The following INSC variants were observed in gnomAD, a reference collection of about 807,000 sequenced individuals.
The protein encoded by INSC is protein inscuteable homolog.
In INSC, 67 loss-of-function variants were observed where a neutral mutation model predicts 58.6. The ratio of observed to expected loss-of-function variants is 1.14; its 90% CI spans 0.94 to 1.40. The LOEUF is 1.40. Among genes scored for constraint, INSC ranks in the 40% most tolerant of loss-of-function variants. The probability of loss-of-function intolerance (pLI) is 0.00; values close to 1 mark genes in which losing one functional copy is unlikely to be tolerated. For missense variants in INSC, 714 were observed against 692.0 expected, an observed-to-expected ratio of 1.03 and a Z score of -0.36; for synonymous variants, 262 against 276.1, an observed-to-expected ratio of 0.95 and a Z score of 0.51.
downstream of INSC, among the ~76,000 whole-genome samples, chr11:15,249,379 A>G (rs548936553): frequency 6.6e-6 from 1 of 152,304 alleles, no homozygotes; most frequent in South Asian, 2.1e-4. Context: ...GAAGGAGAAG[A>G]TAGGGGGGTT....
chr11:15,188,405 G>C (rs1850050509), intron 5 of INSC: 1 of 970,218 alleles, frequency 1.0e-6, no homozygotes, highest in Non-Finnish European at 1.2e-6. Flanking sequence ...ATTCAGAGGG[G>C]TCAGGGCCCG....
intron 2 of INSC, among the ~76,000 whole-genome samples, chr11:15,152,317 A>G (rs986346185): frequency 6.6e-6 from 1 of 152,184 alleles, no homozygotes. Context: ...CCATTGGCCA[A>G]AATGTCCAGG....
intron 2 of INSC, among the ~76,000 whole-genome samples, chr11:15,152,005 C>G (rs1848668645): frequency 6.6e-6 from 1 of 152,188 alleles, no homozygotes; most frequent in Admixed American, 6.5e-5. Flanking sequence ...CTTATGGTTT[C>G]AAGTACTTGT....
chr11:15,135,323 T>C (rs1306257706), intron 1 of INSC, among the ~76,000 whole-genome samples: 1 of 152,238 alleles, frequency 6.6e-6, no homozygotes, highest in Non-Finnish European at 1.5e-5. Flanking sequence ...GGGTTGTTTT[T>C]CATGTTTGAT....
intron 2 of INSC, among the ~76,000 whole-genome samples, chr11:15,169,748 A>G (rs1849329605): frequency 6.6e-6 from 1 of 151,800 alleles, no homozygotes; most frequent in South Asian, 2.1e-4. Context: ...AGGTTTCACC[A>G]TGTTGGCTAG....
chr11:15,175,729 T>A lies in INSC; in HGVS notation c.57-12T>A. 6.5e-7 allele frequency: 1 copy of A among 1,528,124 alleles called. No individual in the cohort carries two copies. The highest frequency in any genetic ancestry group is 8.8e-7 in the Non-Finnish European group (1 of 1,131,760). 94.7% of individuals were successfully genotyped at this position (1,528,124 alleles called of 1,614,324 possible). A position where few individuals can be genotyped will look rare whatever the true frequency, so the allele number is the denominator to read the frequency against. ...TGTTGATAATTATCGTGGTGCTGTT[T>A]CCTGGTTGCAGGCTACACCTGATGC... On this transcript the variant is annotated splice_polypyrimidine_tract_variant and intron_variant, in intron 2 of 12. Transcript: ENST00000379556.
intron 7 of INSC, among the ~76,000 whole-genome samples, chr11:15,206,759 A>G (rs1850816711): frequency 6.6e-6 from 1 of 152,196 alleles, no homozygotes; most frequent in Admixed American, 6.5e-5. Context: ...CATCTTCTGT[A>G]AAATGGGACT....
At chr11:15,157,945 G>T (rs1041988500) in intron 2 of INSC, among the ~76,000 whole-genome samples, 2 of 152,134 alleles carry the variant, frequency 1.3e-5, no homozygotes, top group African/African-American at 4.8e-5. Flanking sequence ...AATGAAAACA[G>T]TTCCTCCCTG....
chr11:15,176,399 T>C (rs967000534), intron 3 of INSC, among the ~76,000 whole-genome samples: 3 of 152,116 alleles, frequency 2.0e-5, no homozygotes, highest in African/African-American at 7.2e-5. Context: ...GTTGAAATGT[T>C]AGCTCTGCTA....
chr11:15,113,747 G>A (rs899204739), upstream of INSC, among the ~76,000 whole-genome samples: 2 of 152,164 alleles, frequency 1.3e-5, no homozygotes, highest in East Asian at 3.9e-4. Context: ...GAGAGCTGAG[G>A]AGGAGAGTTA....
upstream of INSC, among the ~76,000 whole-genome samples, chr11:15,113,143 T>TTCTTTCTTTCTCTCTCTCTC: frequency 5.1e-5 from 5 of 98,670 alleles, no homozygotes; most frequent in East Asian, 2.5e-4. Context: ...CTTTCTTTCT[T>TTCTTTCTTTCTCTCTCTCTC]TCTGTCTCTC....
At chr11:15,183,696 A>G (rs1157823161) in intron 5 of INSC, among the ~76,000 whole-genome samples, 1 of 152,216 alleles carries the variant, frequency 6.6e-6, no homozygotes, top group Non-Finnish European at 1.5e-5. Context: ...TTAGCTGGGA[A>G]AAATATCTTT....
At chr11:15,135,207 ACT>A (rs1486330239) in intron 1 of INSC, among the ~76,000 whole-genome samples, 3 of 152,050 alleles carry the variant, frequency 2.0e-5, no homozygotes, top group African/African-American at 4.8e-5. Flanking sequence ...ATCATAGAAC[ACT>A]CTGTTGGTGG....
At chr11:15,175,674 C>T (rs1590400112) in intron 2 of INSC, 67 bp from the exon 3 acceptor site, 1 of 1,280,556 alleles carries the variant, frequency 7.8e-7, no homozygotes, top group Non-Finnish European at 1.1e-6. Flanking sequence ...ATCAGATGGC[C>T]TAGAATTGAG....
chr11:15,174,698 T>C (rs1849515061), intron 2 of INSC, among the ~76,000 whole-genome samples: 1 of 152,270 alleles, frequency 6.6e-6, no homozygotes, highest in Non-Finnish European at 1.5e-5. Flanking sequence ...TGTGAAATGA[T>C]AGTGAAATTT....
At chr11:15,212,449 C>T (rs997339910) in intron 7 of INSC, among the ~76,000 whole-genome samples, 4 of 152,114 alleles carry the variant, frequency 2.6e-5, no homozygotes, top group African/African-American at 4.8e-5. Flanking sequence ...CACTGGGCCC[C>T]GCCAGAAATT....
the INSC span, among the ~76,000 whole-genome samples, chr11:15,253,093 T>C: frequency 6.6e-6 from 1 of 152,134 alleles, no homozygotes; most frequent in African/African-American, 2.4e-5. Flanking sequence ...TAGAAGAATA[T>C]AGGTAAAGAG....
intron 9 of INSC, among the ~76,000 whole-genome samples, chr11:15,232,873 TGATTTTCCCCTA>T (rs1272746788): frequency 2.0e-5 from 3 of 152,112 alleles, no homozygotes; most frequent in African/African-American, 7.2e-5. Flanking sequence ...ACTAGGAAAT[TGATTTTCCCCTA>T]GAGCCCCCAG....
chr11:15,235,197 C>A lies in INSC; in HGVS notation c.1171-405C>A, dbSNP rs564037926. ...GAAGCTTGGATGGAAGAAGTCAATC[C>A]AGAGTAAGAGCTAGCTGTCAGGAGG... is the stretch of plus-strand genomic sequence containing the variant. On this transcript the variant is annotated intron_variant, in intron 9 of 12. Transcript: ENST00000379556. 3 of 242,648 alleles carry A rather than the reference C, an allele frequency of 1.2e-5. No homozygotes were observed. In the East Asian group the frequency reaches 2.5e-4, roughly 20 times the overall value. The allele number at this position is 242,648 out of a possible 1,614,324, so 15.0% of individuals were successfully genotyped here.
Sources: allele counts gnomAD v4.1 joint callset (sites outside exome capture counted in the v4.1 genomes callset), GRCh38; gene constraint gnomAD v4.1.1; transcripts MANE v1.5; gene names NCBI Gene and HGNC (gene_info 2026-07-23, HGNC 2026-07-21).